The following EIF4G1 variants were observed in gnomAD, a reference collection of about 807,000 sequenced individuals.
The protein encoded by EIF4G1 is eukaryotic translation initiation factor 4 gamma 1.
In EIF4G1, 4 loss-of-function variants were observed where a neutral mutation model predicts 187.8. The observed-to-expected ratio is 0.02, with a 90% CI of 0.01 to 0.05. EIF4G1 has a LOEUF of 0.05. EIF4G1 is among the 10% of genes least tolerant of loss of function. EIF4G1 has a pLI of 1.00. For synonymous variants in EIF4G1, 844 were observed against 781.4 expected, an observed-to-expected ratio of 1.08 and a Z score of -1.34; for missense variants, 1,647 against 2,081.1, an observed-to-expected ratio of 0.79 and a Z score of 4.06.
rs754160701 is a variant in EIF4G1, at chr3:184,328,622, C to T, written c.3954-9C>T. ...CCTAGAATGTCTTGACTTTGAATTC[C>T]CTTGGCAGGTTGTATGAAATCTTGG... On this transcript the variant is annotated splice_polypyrimidine_tract_variant and intron_variant, in intron 26 of 32. Coordinates refer to ENST00000346169, the MANE Select transcript of EIF4G1 (RefSeq NM_198241.3). The T allele has an allele frequency of 6.2e-7, 1 of 1,614,066 alleles. No individual in the cohort carries two copies. Among genetic ancestry groups the T allele is most frequent in the South Asian group, 1.1e-5 (1 of 91,076 alleles).
rs754709304 is a variant in EIF4G1 at position 184,325,815 on chromosome 3, A to C, written c.3122-36A>C. 3.1e-6 allele frequency: 5 copies of C among 1,613,676 alleles called. No homozygotes were observed. ...CAAGGGGAAGGGGCTGCTAGGATTT[A>C]TTCATTATTCCAGTATGCCCCTCTT... On this transcript the variant is annotated intron_variant, in intron 20 of 32. Transcript: ENST00000346169. The surrounding 1 kb of genome is among the most constrained non-coding windows in gnomAD (Gnocchi z 5.2).
Position 184,323,256 on chromosome 3 carries a change from G to A in EIF4G1, c.2088+15G>A, listed in dbSNP as rs1577213572. The A allele has an allele frequency of 6.2e-7, 1 of 1,614,046 alleles. No homozygotes were observed. The highest frequency in any genetic ancestry group is 8.5e-7 in the Non-Finnish European group (1 of 1,179,908). ...CCCGTGGGCCGGTGAGTGGGGCTGG[G>A]TAAAGTGGCAGGTGGGCAAGGAGTG... On this transcript the variant is annotated intron_variant, in intron 14 of 32. Transcript: ENST00000346169. This position sits in a 1 kb window ranked among gnomAD's most constrained non-coding sequence, Gnocchi z 6.9.
rs1723796465 is a variant in EIF4G1 at position 184,320,982 on chromosome 3, T to C, written c.686T>C (p.Ile229Thr). 2 of 1,613,976 alleles carry C rather than the reference T, an allele frequency of 1.2e-6. No homozygotes were observed. Among genetic ancestry groups the C allele is most frequent in the East Asian group, 4.5e-5 (2 of 44,868 alleles). Residue 229 changes from isoleucine to threonine, a missense_variant, in exon 9 of 33, where the codon ATT becomes ACT. By Grantham distance (89) the Ile-to-Thr change is moderately conservative. Around this residue, in one of 11 missense-constraint regions of EIF4G1, gnomAD observed 522 missense variants for 485.2 expected, o/e 1.08. Transcript: ENST00000346169. ...GGGGAGACGCCCCAGGTTGCTGTCA[T>C]TGTCCGGCCAGGTAAGTAAGCCGGT... ...ANGETPQVAV[I>T]VRPDDRSQGA...
chr3:184,321,138 T>C (rs1723832917), intron 9 of EIF4G1, 144 bp from the exon 10 acceptor site: 1 of 1,477,804 alleles, frequency 6.8e-7, no homozygotes, highest in South Asian at 1.2e-5. Flanking sequence ...AATTGGGTTT[T>C]GGATGAAAGT....
chr3:184,317,935 G>A, intron 6 of EIF4G1, 119 bp downstream of exon 6: 6 of 764,194 alleles, frequency 7.9e-6, no homozygotes, highest in Non-Finnish European at 1.4e-5. Flanking sequence ...AAATGATAAG[G>A]TTAATAGGTG....
intron 1 of EIF4G1, among the ~76,000 whole-genome samples, chr3:184,314,996 C>T (rs1416879974): frequency 1.3e-5 from 2 of 151,238 alleles, no homozygotes; most frequent in Admixed American, 6.6e-5. Context: ...GCGCAGGCAC[C>T]ACGGCTCCCG....
In EIF4G1 at chr3:184,334,713, C is replaced by T; in HGVS notation, c.4619-14C>T. 1.2e-6 allele frequency: 2 copies of T among 1,614,094 alleles called. No individual in the cohort carries two copies. Among genetic ancestry groups the T allele is most frequent in the South Asian group, 1.1e-5 (1 of 91,074 alleles). On this transcript the variant is annotated splice_polypyrimidine_tract_variant and intron_variant, in intron 32 of 32. Transcript: ENST00000346169. This position sits in a 1 kb window ranked among gnomAD's most constrained non-coding sequence, Gnocchi z 5.8. ...TGGCCAGTCACCTCTAACTGCTGTCCCGCCTGCTTGCAGACCTGCTGCGGA... is the reference window on the plus strand; with the variant it reads ...TGGCCAGTCACCTCTAACTGCTGTCTCGCCTGCTTGCAGACCTGCTGCGGA...
In EIF4G1 at chr3:184,322,418, G is replaced by C. The variant is rs781438066; in HGVS notation, c.1576G>C (p.Ala526Pro). Residue 526 changes from alanine (A) to proline (P), a missense_variant, in exon 11 of 33, where the codon GCT becomes CCT. Transcript: ENST00000346169. Reference protein sequence around the residue: ...RKIKELNKKEAVGDLLDAFKE... With the variant: ...RKIKELNKKEPVGDLLDAFKE... ...AATTAAGGAGCTAAATAAGAAGGAG[G>C]CTGTTGGAGACCTTCTGGATGCCTT... is the stretch of plus-strand genomic sequence containing the variant. 9.3e-6 allele frequency: 15 copies of C among 1,614,072 alleles called. No homozygotes were observed. Among genetic ancestry groups the C allele is most frequent in the Middle Eastern group, 1.6e-4 (1 of 6,084 alleles).
intron 3 of EIF4G1, 25 bp downstream of exon 3, chr3:184,315,881 G>A (rs754124666): frequency 2.7e-5 from 41 of 1,542,396 alleles, no homozygotes; most frequent in Admixed American, 3.9e-5. Flanking sequence ...ATTAGCAGGG[G>A]TGGGGGTGGG....
chr3:184,324,855 A>C, intron 17 of EIF4G1, 23 bp from the exon 18 acceptor site: 1 of 1,611,150 alleles, frequency 6.2e-7, no homozygotes, highest in African/African-American at 1.3e-5. Flanking sequence ...TTTTTGACAC[A>C]ATCCCTGTCC....
Position 184,321,775 on chromosome 3 carries a change from T to C in EIF4G1, c.1191T>C (p.Thr397=), listed in dbSNP as rs1560213892. The change falls in exon 10 of 33, where the codon ACT becomes ACC. Residue 397 remains threonine (T), a synonymous_variant. Transcript: ENST00000346169. ...PSESPVPIAP[T]AQPEELLNGA... ...AATCCCCTGTGCCCATTGCTCCAAC[T>C]GCCCAACCTGAGGAACTGCTCAACG... 3 of 1,609,742 alleles carry C rather than the reference T, an allele frequency of 1.9e-6. No homozygotes were observed. The highest frequency in any genetic ancestry group is 2.5e-6 in the Non-Finnish European group (3 of 1,176,554).
rs1348379938 is a variant in EIF4G1, at chr3:184,319,736, G to A, written c.472G>A (p.Val158Met). ...AQGVQQFPTG[V>M]APTPVLMNQP... ...AGGGGTGCAGCAGTTTCCCACTGGC[G>A]TGGCCCCCACCCCAGTTTTGATGAA... Residue 158 changes from valine (V) to methionine (M), a missense_variant, in exon 7 of 33, where the codon GTG (valine) becomes ATG (methionine). Val to Met is a conservative substitution (Grantham distance 21, BLOSUM62 1). Coordinates refer to ENST00000346169, the MANE Select transcript of EIF4G1 (RefSeq NM_198241.3). 9.3e-6 allele frequency: 15 copies of A among 1,607,520 alleles called. No homozygotes were observed. Among genetic ancestry groups the A allele is most frequent in the Admixed American group, 3.4e-5 (2 of 58,868 alleles).
rs759263553 is a variant in EIF4G1 at position 184,325,403 on chromosome 3, C to G, written c.2961+30C>G. On this transcript the variant is annotated intron_variant, in intron 19 of 32. Coordinates refer to ENST00000346169, the MANE Select transcript of EIF4G1 (RefSeq NM_198241.3). This position sits in a 1 kb window ranked among gnomAD's most constrained non-coding sequence, Gnocchi z 5.2. Reference sequence around the variant, plus strand: ...GTGTCCCCCTCCTCCCCACTGCCAGCCTGCTGCCTCCAGTTTCTGACACTG... The same window carrying G: ...GTGTCCCCCTCCTCCCCACTGCCAGGCTGCTGCCTCCAGTTTCTGACACTG... 1.4e-4 allele frequency: 226 copies of G among 1,614,038 alleles called. No individual in the cohort carries two copies. The highest frequency in any genetic ancestry group is 1.9e-4 in the Non-Finnish European group (222 of 1,179,996).
intron 6 of EIF4G1, 181 bp from the exon 7 acceptor site, chr3:184,319,508 C>A: frequency 1.6e-6 from 1 of 620,030 alleles, no homozygotes; most frequent in Admixed American, 2.3e-5. Context: ...AAACGCAGTT[C>A]AGACTGGTTC....
chr3:184,324,432 G>A, intron 17 of EIF4G1, 85 bp downstream of exon 17: 1 of 1,596,308 alleles, frequency 6.3e-7, no homozygotes. Flanking sequence ...ATTTGGAATG[G>A]AGGTAGTGGT....
In EIF4G1 at chr3:184,327,886, A is replaced by G; in HGVS notation, c.3837A>G (p.Val1279=). The change falls in exon 26 of 33, where the codon GTA becomes GTG. Residue 1279 remains valine, a synonymous_variant. Coordinates refer to ENST00000346169, the MANE Select transcript of EIF4G1 (RefSeq NM_198241.3). ...CACCCTCCTTGCTCTTCATCTTTGT[A>G]CGGCATGGTGTCGAGTCTACGCTGG... ...LASPSLLFIF[V]RHGVESTLER... 1 of 1,613,784 alleles carries G rather than the reference A, an allele frequency of 6.2e-7. No individual in the cohort carries two copies. The highest frequency in any genetic ancestry group is 8.5e-7 in the Non-Finnish European group (1 of 1,180,016).
chr3:184,328,359 C>T, intron 26 of EIF4G1: 1 of 521,320 alleles, frequency 1.9e-6, no homozygotes, highest in Non-Finnish European at 3.5e-6. Context: ...CCATTGCACT[C>T]CAGCCTGGGT....
At chr3:184,328,586 T>C (rs766352949) in intron 26 of EIF4G1, 45 bp from the exon 27 acceptor site, 3 of 1,613,526 alleles carry the variant, frequency 1.9e-6, no homozygotes, top group East Asian at 4.5e-5. Context: ...AGAAGGAGAG[T>C]GGGGACCTGG....
At chr3:184,316,490 A>T (rs1007725105) in intron 4 of EIF4G1, among the ~76,000 whole-genome samples, 1 of 151,670 alleles carries the variant, frequency 6.6e-6, no homozygotes, top group Admixed American at 6.6e-5. Context: ...TTGCTTTCCT[A>T]TTTGCTCCTT....
Sources: allele counts gnomAD v4.1 joint callset (sites outside exome capture counted in the v4.1 genomes callset), GRCh38; gene constraint gnomAD v4.1.1; regional missense constraint gnomAD v4.1.1; non-coding constraint Gnocchi (gnomAD v3.1); transcripts MANE v1.5; gene names NCBI Gene and HGNC (gene_info 2026-07-23, HGNC 2026-07-21).